The following NBEA variants were observed in gnomAD, a reference collection of about 807,000 sequenced individuals.
NBEA encodes neurobeachin.
A neutral mutation model predicts 343.4 loss-of-function variants in NBEA; 44 were observed. The observed-to-expected ratio is 0.13, with a 90% CI of 0.10 to 0.16. The LOEUF (loss-of-function observed/expected upper bound fraction) is 0.16. Ranked by LOEUF, NBEA falls within the 10% of genes least tolerant of loss-of-function variation. The pLI, the probability that NBEA is intolerant of heterozygous loss-of-function variation, is 1.00. For synonymous variants in NBEA, 1,175 were observed against 1,238.7 expected, an observed-to-expected ratio of 0.95 and a Z score of 1.08; for missense variants, 2,555 against 3,631.3, an observed-to-expected ratio of 0.70 and a Z score of 7.62.
chr13:35,020,911 A>G (rs2061816177), intron 1 of NBEA, among the ~76,000 whole-genome samples: 1 of 152,128 alleles, frequency 6.6e-6, no homozygotes, highest in African/African-American at 2.4e-5. Flanking sequence ...TTCAACAAAA[A>G]TTGTAGATTT....
At chr13:35,546,098 T>C (rs1009565213) in intron 41 of NBEA, among the ~76,000 whole-genome samples, 21 of 152,238 alleles carry the variant, frequency 1.4e-4, no homozygotes, top group Non-Finnish European at 2.8e-4. Context: ...TTTTAGGCAC[T>C]GTGTATCGAA....
chr13:35,416,276 A>C (rs1038053871), intron 38 of NBEA, among the ~76,000 whole-genome samples: 1 of 152,156 alleles, frequency 6.6e-6, no homozygotes, highest in Non-Finnish European at 1.5e-5. Flanking sequence ...ACTATATCGA[A>C]TAGGAATGGT....
chr13:35,626,674 CA>C (rs1566428328), intron 48 of NBEA, among the ~76,000 whole-genome samples: 2 of 152,102 alleles, frequency 1.3e-5, no homozygotes, highest in African/African-American at 4.8e-5. Context: ...ATTAGACTGA[CA>C]TTTTTTCTTA....
At chr13:35,536,686 A>T (rs2078568421) in intron 41 of NBEA, among the ~76,000 whole-genome samples, 1 of 152,168 alleles carries the variant, frequency 6.6e-6, no homozygotes, top group Non-Finnish European at 1.5e-5. Flanking sequence ...ACAGACAGAC[A>T]GTCAGTCCTG....
At chr13:35,626,316 A>G (rs1179949178) in intron 48 of NBEA, among the ~76,000 whole-genome samples, 3 of 152,156 alleles carry the variant, frequency 2.0e-5, no homozygotes, top group Non-Finnish European at 4.4e-5. Flanking sequence ...GATGGAGATA[A>G]AAGAGAAAAA....
At chr13:35,449,049 A>G (rs1466904743) in intron 39 of NBEA, among the ~76,000 whole-genome samples, 2 of 152,198 alleles carry the variant, frequency 1.3e-5, no homozygotes, top group Non-Finnish European at 2.9e-5. Flanking sequence ...GTAAAGAGGT[A>G]TGTGAAAGCA....
intron 1 of NBEA, among the ~76,000 whole-genome samples, chr13:34,976,839 A>G (rs1593337317): frequency 6.6e-6 from 1 of 150,918 alleles, no homozygotes; most frequent in South Asian, 2.1e-4. Context: ...CCTCTCGTAA[A>G]CCATTCTGTG....
chr13:35,084,760 CA>C (rs1223158821), intron 10 of NBEA, among the ~76,000 whole-genome samples: 13 of 151,910 alleles, frequency 8.6e-5, no homozygotes, highest in Non-Finnish European at 1.6e-4. Flanking sequence ...AATAGAGACA[CA>C]AAAAACCCTT....
At chr13:35,400,491 C>T (rs1391445338) in intron 38 of NBEA, among the ~76,000 whole-genome samples, 1 of 151,848 alleles carries the variant, frequency 6.6e-6, no homozygotes, top group Non-Finnish European at 1.5e-5. Context: ...TACTTTTTCT[C>T]AGAGCAAGAA....
intron 36 of NBEA, 108 bp from the exon 37 acceptor site, chr13:35,349,000 T>G (rs774649352): frequency 9.5e-6 from 4 of 420,762 alleles, no homozygotes; most frequent in Non-Finnish European, 1.3e-5. Context: ...ATATCTAGCT[T>G]TATCTAAAAC....
chr13:35,381,629 A>G (rs2042017771), intron 38 of NBEA, among the ~76,000 whole-genome samples: 1 of 152,126 alleles, frequency 6.6e-6, no homozygotes, highest in South Asian at 2.1e-4. Context: ...ACTGCAAAGT[A>G]GAGTCCAAAT....
intron 1 of NBEA, among the ~76,000 whole-genome samples, chr13:34,967,811 G>GTGTC (rs1347358016): frequency 6.6e-6 from 1 of 151,970 alleles, no homozygotes; most frequent in Admixed American, 6.6e-5. Context: ...CACTAATTAA[G>GTGTC]TGTCCTAAAA....
At chr13:35,485,689 T>C (rs1322916008) in intron 41 of NBEA, among the ~76,000 whole-genome samples, 1 of 152,102 alleles carries the variant, frequency 6.6e-6, no homozygotes, top group African/African-American at 2.4e-5. Context: ...TCTATGCAGA[T>C]TGCAGAGCTT....
At chr13:35,027,804 T>A (rs1245741566) in intron 1 of NBEA, among the ~76,000 whole-genome samples, 1 of 151,996 alleles carries the variant, frequency 6.6e-6, no homozygotes, top group Non-Finnish European at 1.5e-5. Flanking sequence ...AAAAGTTTTA[T>A]ATTTTACATT....
At chr13:35,234,485 A>G (rs1299733503) in intron 34 of NBEA, among the ~76,000 whole-genome samples, 1 of 152,198 alleles carries the variant, frequency 6.6e-6, no homozygotes, top group East Asian at 1.9e-4. Flanking sequence ...TTGCAGTCTA[A>G]TGAGCAAAGA....
chr13:35,422,116 C>T (rs1344309937), intron 38 of NBEA, among the ~76,000 whole-genome samples: 27 of 80,718 alleles, frequency 3.3e-4, no homozygotes, highest in African/African-American at 1.1e-3. Flanking sequence ...TTAGATTCTT[C>T]GTTCTTTCAC....
intron 41 of NBEA, among the ~76,000 whole-genome samples, chr13:35,548,929 T>C (rs2079185406): frequency 6.6e-6 from 1 of 152,186 alleles, no homozygotes; most frequent in East Asian, 1.9e-4. Context: ...AATTCATCAA[T>C]GGAACTTAAT....
intron 10 of NBEA, among the ~76,000 whole-genome samples, chr13:35,082,973 T>G (rs2064505619): frequency 1.3e-5 from 2 of 152,220 alleles, no homozygotes; most frequent in Non-Finnish European, 2.9e-5. Context: ...TTTTGGTGTT[T>G]TAGTCATGAA....
At chr13:35,191,809 GA>G (rs1375152475) in intron 30 of NBEA, among the ~76,000 whole-genome samples, 1 of 151,892 alleles carries the variant, frequency 6.6e-6, no homozygotes, top group Non-Finnish European at 1.5e-5. Flanking sequence ...AGAGAGTTTG[GA>G]AAATGGCAAT....
Sources: gnomAD v4.1 joint callset for allele counts (sites outside exome capture counted in the v4.1 genomes callset) on GRCh38, gnomAD v4.1.1 for gene constraint, MANE v1.5 for transcripts, NCBI Gene and HGNC (gene_info 2026-07-23, HGNC 2026-07-21) for gene names.